The following CHN1 variants were observed in gnomAD, a reference collection of about 807,000 sequenced individuals.
The protein encoded by CHN1 is N-chimaerin.
In CHN1, 37 loss-of-function variants were observed where a neutral mutation model predicts 59.5. The ratio of observed to expected loss-of-function variants is 0.62; its 90% CI spans 0.48 to 0.82. CHN1 has a LOEUF of 0.82. CHN1 is among the 40% of genes least tolerant of loss of function. The probability of loss-of-function intolerance (pLI) is 0.00; values close to 1 mark genes in which losing one functional copy is unlikely to be tolerated. For synonymous variants in CHN1, 206 were observed against 200.4 expected (o/e 1.03, Z -0.24); for missense variants, 469 against 571.0 (o/e 0.82, Z 1.82).
chr2:174,891,361 G>A (rs565324985), intron 5 of CHN1, among the ~76,000 whole-genome samples: 12 of 151,490 alleles, frequency 7.9e-5, no homozygotes, highest in Non-Finnish European at 1.8e-4. Context: ...CATGAGGTCC[G>A]GAGTTCAAGA....
chr2:174,817,638 C>A (rs868297875), intron 8 of CHN1, among the ~76,000 whole-genome samples: 1 of 129,444 alleles, frequency 7.7e-6, no homozygotes, highest in Non-Finnish European at 1.7e-5. Context: ...ATTTTTTTTT[C>A]TTTTTTTTTT....
chr2:174,979,935 T>C (rs937905700), intron 1 of CHN1, among the ~76,000 whole-genome samples: 6 of 152,138 alleles, frequency 3.9e-5, no homozygotes, highest in African/African-American at 1.4e-4. Flanking sequence ...TAACATGGCA[T>C]ACCTTTTTAG....
intron 3 of CHN1, among the ~76,000 whole-genome samples, chr2:174,942,790 C>A (rs534720915): frequency 6.6e-6 from 1 of 152,190 alleles, no homozygotes; most frequent in Non-Finnish European, 1.5e-5. Flanking sequence ...TGGCTCACAA[C>A]TGTAATCCCA....
At chr2:174,932,041 G>A (rs1238215994) in intron 3 of CHN1, among the ~76,000 whole-genome samples, 1 of 152,174 alleles carries the variant, frequency 6.6e-6, no homozygotes, top group Non-Finnish European at 1.5e-5. Context: ...GTTCTGAGCA[G>A]AACAGTGACA....
intron 7 of CHN1, among the ~76,000 whole-genome samples, chr2:174,844,703 G>A (rs912456898): frequency 4.6e-5 from 7 of 152,142 alleles, no homozygotes; most frequent in Admixed American, 3.3e-4. Context: ...GATGTTCTTG[G>A]AAGTCAAGTA....
chr2:174,882,880 T>C (rs193232545), intron 5 of CHN1, among the ~76,000 whole-genome samples: 1 of 152,248 alleles, frequency 6.6e-6, no homozygotes, highest in Non-Finnish European at 1.5e-5. Context: ...TTTAGATGAA[T>C]TCTATGAACT....
chr2:174,940,740 G>C (rs984504318), intron 3 of CHN1, among the ~76,000 whole-genome samples: 4 of 151,584 alleles, frequency 2.6e-5, no homozygotes, highest in African/African-American at 9.7e-5. Flanking sequence ...GTAATGCTAA[G>C]TTTGACCACC....
At position 174,821,319 on chromosome 2, in the gene CHN1, C is replaced by T. The variant is rs77189634; in HGVS notation, c.712+3115G>A. On this transcript the variant is annotated intron_variant, in intron 8 of 12. Transcript: ENST00000409900. The stretch of plus-strand genomic sequence containing the variant: ...TGGCTCCTTCCTCTGTCTTCAAAGC[C>T]AGCAGCATAGCATCTTCTCTTCCCT... 5.8e-3 allele frequency among the ~76,000 whole-genome samples: 882 copies of T among 152,274 alleles called. 8 individuals are homozygous for T. Among genetic ancestry groups the T allele is most frequent in the African/African-American group, 0.02 (842 of 41,544 alleles).
At chr2:174,912,200 CA>C (rs781300338) in intron 5 of CHN1, among the ~76,000 whole-genome samples, 1 of 152,214 alleles carries the variant, frequency 6.6e-6, no homozygotes. Context: ...AAGTTAATTT[CA>C]AAAGCAATTT....
At chr2:174,890,100 G>C (rs1370531824) in intron 5 of CHN1, among the ~76,000 whole-genome samples, 1 of 152,100 alleles carries the variant, frequency 6.6e-6, no homozygotes, top group Non-Finnish European at 1.5e-5. Flanking sequence ...AATGTAAATG[G>C]ATTAAACTCT....
intron 5 of CHN1, among the ~76,000 whole-genome samples, chr2:174,897,525 A>C (rs1218344890): frequency 2.0e-5 from 3 of 151,974 alleles, no homozygotes; most frequent in Non-Finnish European, 4.4e-5. Context: ...TAAAAAAAAA[A>C]AAAATCAAAA....
At chr2:174,964,876 AAACTC>A (rs2105430785) in intron 1 of CHN1, among the ~76,000 whole-genome samples, 1 of 152,306 alleles carries the variant, frequency 6.6e-6, no homozygotes, top group South Asian at 2.1e-4. Flanking sequence ...TTGCTTTTTT[AAACTC>A]AAAGGTATAG....
intron 2 of CHN1, among the ~76,000 whole-genome samples, chr2:174,949,788 A>G (rs1239025709): frequency 2.6e-5 from 4 of 152,228 alleles, no homozygotes; most frequent in Admixed American, 2.6e-4. Context: ...ACATAGTTTA[A>G]TTATAAAATT....
intron 6 of CHN1, among the ~76,000 whole-genome samples, chr2:174,875,615 T>C (rs1169988145): frequency 6.6e-6 from 1 of 152,222 alleles, no homozygotes; most frequent in Non-Finnish European, 1.5e-5. Context: ...CCAACACTAG[T>C]ATCTTTCCAC....
At chr2:174,961,611 A>AAT (rs528722062) in intron 1 of CHN1, among the ~76,000 whole-genome samples, 2 of 151,922 alleles carry the variant, frequency 1.3e-5, no homozygotes, top group African/African-American at 2.4e-5. Flanking sequence ...TAAATAAATA[A>AAT]AAATAAAAAT....
chr2:174,870,793 C>T (rs1453118183), intron 6 of CHN1, among the ~76,000 whole-genome samples: 3 of 152,174 alleles, frequency 2.0e-5, no homozygotes, highest in African/African-American at 7.2e-5. Flanking sequence ...AAGTAGCAAT[C>T]GTGAAAGAAT....
chr2:174,905,418 A>C (rs1385808608), intron 5 of CHN1, among the ~76,000 whole-genome samples: 1 of 152,136 alleles, frequency 6.6e-6, no homozygotes, highest in Non-Finnish European at 1.5e-5. Flanking sequence ...AAAAATACAA[A>C]AGCCAAAAAT....
At chr2:174,824,396 C>A (rs370904052) in intron 8 of CHN1, 38 bp downstream of exon 8, 21 of 1,493,098 alleles carry the variant, frequency 1.4e-5, no homozygotes, top group Non-Finnish European at 1.9e-5. Context: ...TATAACTTCA[C>A]AACTGACTCA....
chr2:174,977,285 A>C (rs889650979), intron 1 of CHN1, among the ~76,000 whole-genome samples: 1 of 152,224 alleles, frequency 6.6e-6, no homozygotes, highest in Non-Finnish European at 1.5e-5. Flanking sequence ...ATCATCTGAT[A>C]ATCTATATTG....
Sources: gnomAD v4.1 joint callset for allele counts (sites outside exome capture counted in the v4.1 genomes callset) on GRCh38, gnomAD v4.1.1 for gene constraint, MANE v1.5 for transcripts, NCBI Gene and HGNC (gene_info 2026-07-23, HGNC 2026-07-21) for gene names.